RANBP2: variants seen among roughly 807,000 people sequenced by gnomAD.
RANBP2 encodes E3 SUMO-protein ligase RanBP2.
A neutral mutation model predicts 303.6 loss-of-function variants in RANBP2; 57 were observed. The observed-to-expected ratio is 0.19, with a 90% CI of 0.15 to 0.23. RANBP2 has a LOEUF of 0.23. Among genes scored for constraint, RANBP2 ranks in the 10% least tolerant of loss-of-function variants. The probability of loss-of-function intolerance (pLI) is 1.00; values close to 1 mark genes in which losing one functional copy is unlikely to be tolerated. For missense variants in RANBP2, 3,138 were observed against 3,780.8 expected, an observed-to-expected ratio of 0.83 and a Z score of 4.46; for synonymous variants, 1,167 against 1,301.5, an observed-to-expected ratio of 0.90 and a Z score of 2.23.
chr2:108,953,626 C>T, the RANBP2 span, among the ~76,000 whole-genome samples: 27 of 152,212 alleles, frequency 1.8e-4, no homozygotes, highest in South Asian at 3.5e-3. Flanking sequence ...AGGACACAAC[C>T]AGATGATTTT....
Position 108,764,093 on chromosome 2 carries a change from A to T in RANBP2, c.3554A>T (p.Lys1185Ile), listed in dbSNP as rs1249064493. The part of the protein sequence containing the change: ...VVPLPDKIEV[K>I]TGEEDEEEFF... The stretch of plus-strand genomic sequence containing the variant: ...CCTCTTCCTGATAAGATTGAAGTAA[A>T]AACTGGTGAGGAAGATGAAGAAGAA... The change falls in exon 20 of 29, where the codon AAA (lysine) becomes ATA (isoleucine). Residue 1185 changes from lysine to isoleucine, a missense_variant. Physicochemically the swap from Lys to Ile is moderately radical, Grantham distance 102. Transcript: ENST00000283195. 1 of 1,614,100 alleles carries T rather than the reference A, an allele frequency of 6.2e-7. No homozygotes were observed.
chr2:109,731,330 A>G, the RANBP2 span, among the ~76,000 whole-genome samples: 1 of 152,198 alleles, frequency 6.6e-6, no homozygotes, highest in Non-Finnish European at 1.5e-5. Context: ...AGATGACCCA[A>G]TATTTGAAAC....
At chr2:109,019,787 C>G in the RANBP2 span, among the ~76,000 whole-genome samples, 1 of 152,172 alleles carries the variant, frequency 6.6e-6, no homozygotes, top group Non-Finnish European at 1.5e-5. Flanking sequence ...AATGAAATGC[C>G]TTTGGCTTCT....
chr2:109,672,972 C>T, the RANBP2 span, among the ~76,000 whole-genome samples: 4 of 152,186 alleles, frequency 2.6e-5, no homozygotes, highest in Non-Finnish European at 5.9e-5. Context: ...TTACTAAAGA[C>T]ATCACAGCCC....
the RANBP2 span, among the ~76,000 whole-genome samples, chr2:109,027,487 T>G: frequency 6.6e-6 from 1 of 152,140 alleles, no homozygotes; most frequent in African/African-American, 2.4e-5. Flanking sequence ...AGGAAGCCTG[T>G]GGAGCCTGAC....
chr2:109,072,374 T>G, the RANBP2 span, among the ~76,000 whole-genome samples: 1 of 152,168 alleles, frequency 6.6e-6, no homozygotes, highest in Non-Finnish European at 1.5e-5. Flanking sequence ...ATGCACTCAC[T>G]CTCCAGGCTT....
chr2:108,924,168 T>C, the RANBP2 span, among the ~76,000 whole-genome samples: 10 of 152,228 alleles, frequency 6.6e-5, 1 homozygote, highest in East Asian at 1.7e-3. Context: ...TTGAAGTCCT[T>C]CAGCTCCCAG....
At chr2:109,689,212 G>T in the RANBP2 span, among the ~76,000 whole-genome samples, 1 of 152,112 alleles carries the variant, frequency 6.6e-6, no homozygotes, top group African/African-American at 2.4e-5. Context: ...CGGCCTGGAT[G>T]ACATTTTCTA....
At chr2:108,780,001 G>A (rs1036095789) in intron 25 of RANBP2, among the ~76,000 whole-genome samples, 2 of 151,970 alleles carry the variant, frequency 1.3e-5, no homozygotes, top group Admixed American at 6.6e-5. Context: ...ATTTCAAGGT[G>A]GGTACTTGAA....
At chr2:108,991,468 A>G in the RANBP2 span, among the ~76,000 whole-genome samples, 1 of 152,218 alleles carries the variant, frequency 6.6e-6, no homozygotes, top group Non-Finnish European at 1.5e-5. Context: ...CTGTGTTCTA[A>G]ATTTAGAACA....
At chr2:109,365,989 C>A in the RANBP2 span, among the ~76,000 whole-genome samples, 2 of 152,108 alleles carry the variant, frequency 1.3e-5, no homozygotes, top group Non-Finnish European at 2.9e-5. Context: ...TTGCTTTCTT[C>A]CTGAATTTGT....
At chr2:109,322,018 G>T in the RANBP2 span, among the ~76,000 whole-genome samples, 6 of 152,244 alleles carry the variant, frequency 3.9e-5, no homozygotes, top group South Asian at 1.2e-3. Flanking sequence ...GAAGTGGATG[G>T]CTCTTTTTAA....
the RANBP2 span, among the ~76,000 whole-genome samples, chr2:109,011,248 C>G: frequency 2.0e-5 from 3 of 152,192 alleles, no homozygotes; most frequent in Admixed American, 2.0e-4. Flanking sequence ...AATTACAGAA[C>G]AACTGGAATT....
intron 8 of RANBP2, 73 bp from the exon 9 acceptor site, chr2:108,748,847 A>G (rs1436015165): frequency 1.5e-5 from 24 of 1,611,388 alleles, no homozygotes; most frequent in Non-Finnish European, 2.0e-5. Context: ...CTTTGGGTAT[A>G]CAAATGAGAC....
chr2:109,449,346 A>G, the RANBP2 span: 1 of 1,606,570 alleles, frequency 6.2e-7, no homozygotes, highest in Non-Finnish European at 8.5e-7. Flanking sequence ...CATCCCCCTC[A>G]CATCAGCAGC....
At chr2:108,812,495 G>A in the RANBP2 span, 18 of 647,386 alleles carry the variant, frequency 2.8e-5, no homozygotes, top group Non-Finnish European at 4.9e-5. Flanking sequence ...TGTGATCTAA[G>A]TTAATCATGA....
At chr2:109,332,078 C>T in the RANBP2 span, among the ~76,000 whole-genome samples, 14 of 152,132 alleles carry the variant, frequency 9.2e-5, no homozygotes, top group African/African-American at 3.4e-4. Context: ...CATGTGTTTG[C>T]CAGTCTTTTG....
chr2:108,875,147 T>C, the RANBP2 span, among the ~76,000 whole-genome samples: 2 of 151,724 alleles, frequency 1.3e-5, no homozygotes, highest in Middle Eastern at 3.2e-3. Flanking sequence ...CATAAGAGTT[T>C]GTATTAGGAC....
the RANBP2 span, among the ~76,000 whole-genome samples, chr2:109,354,184 A>T: frequency 6.6e-6 from 1 of 152,124 alleles, no homozygotes; most frequent in Non-Finnish European, 1.5e-5. Flanking sequence ...TCTCCCTGCG[A>T]CACAGAGTGG....
Sources: allele counts gnomAD v4.1 joint callset (sites outside exome capture counted in the v4.1 genomes callset), GRCh38; gene constraint gnomAD v4.1.1; transcripts MANE v1.5; gene names NCBI Gene and HGNC (gene_info 2026-07-23, HGNC 2026-07-21).